The following ADAMTS17 variants were observed in gnomAD, a reference collection of about 807,000 sequenced individuals.
ADAMTS17 encodes the protein ADAM metallopeptidase with thrombospondin type 1 motif 17.
Under a neutral mutation model 141.5 loss-of-function variants are expected in ADAMTS17, and 113 were observed. The observed-to-expected ratio is 0.80, with a 90% confidence interval of 0.69 to 0.93. The LOEUF is 0.93. Among genes scored for constraint, ADAMTS17 ranks in the 40% least tolerant of loss-of-function variants. The probability of loss-of-function intolerance (pLI) is 0.00; values close to 1 mark genes in which losing one functional copy is unlikely to be tolerated. For missense variants in ADAMTS17, 1,659 were observed against 1,517.9 expected, an observed-to-expected ratio of 1.09 and a Z score of -1.54; for synonymous variants, 768 against 630.6, an observed-to-expected ratio of 1.22 and a Z score of -3.27.
At chr15:99,987,457 T>A (rs1449499658) in intron 20 of ADAMTS17, among the ~76,000 whole-genome samples, 2 of 152,196 alleles carry the variant, frequency 1.3e-5, no homozygotes, top group Non-Finnish European at 2.9e-5. Flanking sequence ...GGGCACTTTG[T>A]CTGCTGCCTT....
intron 3 of ADAMTS17, among the ~76,000 whole-genome samples, chr15:100,296,192 A>C (rs2044803522): frequency 6.6e-6 from 1 of 152,180 alleles, no homozygotes; most frequent in African/African-American, 2.4e-5. Context: ...ACCGAGTTTG[A>C]ACACACGCAC....
chr15:100,205,232 G>A (rs1304760183), intron 7 of ADAMTS17, among the ~76,000 whole-genome samples: 1 of 152,124 alleles, frequency 6.6e-6, no homozygotes, highest in Admixed American at 6.5e-5. Context: ...CCCTGGGCTG[G>A]AGCAGTCACT....
At chr15:100,207,057 G>A (rs1264587424) in intron 7 of ADAMTS17, among the ~76,000 whole-genome samples, 1 of 152,194 alleles carries the variant, frequency 6.6e-6, no homozygotes, top group Non-Finnish European at 1.5e-5. Context: ...TTCAGAGGTT[G>A]AAGCCCTAAT....
At chr15:100,020,170 C>G (rs1050744681) in intron 18 of ADAMTS17, among the ~76,000 whole-genome samples, 1 of 152,164 alleles carries the variant, frequency 6.6e-6, no homozygotes, top group African/African-American at 2.4e-5. Flanking sequence ...CCCAGCTGCC[C>G]GGCCCCACAA....
chr15:100,070,302 A>C (rs1463824708), intron 15 of ADAMTS17, among the ~76,000 whole-genome samples: 3 of 149,952 alleles, frequency 2.0e-5, no homozygotes, highest in Admixed American at 6.7e-5. Context: ...GGGAGACTTT[A>C]ACACCCCACT....
chr15:100,104,573 C>T (rs188034136), intron 14 of ADAMTS17, among the ~76,000 whole-genome samples: 9 of 152,226 alleles, frequency 5.9e-5, no homozygotes, highest in East Asian at 3.9e-4. Flanking sequence ...CCCAGAATGC[C>T]GTCTGCTACC....
intron 13 of ADAMTS17, among the ~76,000 whole-genome samples, chr15:100,115,581 T>C (rs995332272): frequency 1.3e-5 from 2 of 152,170 alleles, no homozygotes; most frequent in Non-Finnish European, 2.9e-5. Flanking sequence ...TGGGTCAGGC[T>C]GTTAGACTAA....
chr15:100,060,403 C>G (rs925588952), intron 15 of ADAMTS17, among the ~76,000 whole-genome samples: 3 of 152,198 alleles, frequency 2.0e-5, no homozygotes, highest in African/African-American at 4.8e-5. Context: ...CCTTCTTCCT[C>G]TCTGTGGACA....
chr15:100,240,435 A>C (rs1407858443), intron 7 of ADAMTS17, among the ~76,000 whole-genome samples: 1 of 152,228 alleles, frequency 6.6e-6, no homozygotes, highest in Non-Finnish European at 1.5e-5. Context: ...AATGGAGAAG[A>C]AGCAGGTACA....
chr15:100,024,275 T>G (rs1191682487), intron 18 of ADAMTS17, among the ~76,000 whole-genome samples: 1 of 152,198 alleles, frequency 6.6e-6, no homozygotes, highest in East Asian at 1.9e-4. Context: ...AAAATTTTTT[T>G]TGTAGAGATG....
At chr15:100,082,755 T>C (rs1370925262) in intron 15 of ADAMTS17, among the ~76,000 whole-genome samples, 1 of 141,986 alleles carries the variant, frequency 7.0e-6, no homozygotes, top group East Asian at 2.2e-4. Flanking sequence ...GAGTTACTTT[T>C]TCTCGTTAGT....
chr15:100,054,001 G>T lies in ADAMTS17; in HGVS notation c.2191C>A (p.Pro731Thr). ...GTGCCTGCAATCTGGAACTCTCCGG[G>T]GAGCTCTATCTTCCAGTCACTGTTG... ...SINSDWKIEL[P>T]GEFQIAGTTV... The change falls in exon 16 of 22, where the codon CCC becomes ACC. Residue 731 changes from proline to threonine, a missense_variant. Pro to Thr is a conservative substitution (Grantham distance 38). Transcript: ENST00000268070. 1 of 1,614,146 alleles carries T rather than the reference G, an allele frequency of 6.2e-7. No individual in the cohort carries two copies. Among genetic ancestry groups the T allele is most frequent in the Non-Finnish European group, 8.5e-7 (1 of 1,180,028 alleles).
chr15:100,203,897 CA>C (rs57951408), intron 7 of ADAMTS17, among the ~76,000 whole-genome samples: 2,894 of 131,306 alleles, frequency 0.022, 69 homozygotes, highest in African/African-American at 0.067. Flanking sequence ...GACTCTGTCT[CA>C]AAAAAAAAAA....
At chr15:100,212,626 A>C (rs1384722788) in intron 7 of ADAMTS17, among the ~76,000 whole-genome samples, 2 of 152,178 alleles carry the variant, frequency 1.3e-5, no homozygotes, top group Non-Finnish European at 2.9e-5. Context: ...CTGATGAGCC[A>C]AGTCAGACCA....
At chr15:100,333,155 C>A (rs1259791771) in intron 2 of ADAMTS17, among the ~76,000 whole-genome samples, 1 of 152,202 alleles carries the variant, frequency 6.6e-6, no homozygotes, top group Non-Finnish European at 1.5e-5. Flanking sequence ...TCCCCGCAGC[C>A]CCCTGCACTC....
chr15:100,065,976 T>A (rs1233466766), intron 15 of ADAMTS17, among the ~76,000 whole-genome samples: 1 of 152,186 alleles, frequency 6.6e-6, no homozygotes, highest in Non-Finnish European at 1.5e-5. Flanking sequence ...ACATGCGGTG[T>A]TTGGTTTTCT....
chr15:100,307,895 G>C (rs2045278470), intron 3 of ADAMTS17, among the ~76,000 whole-genome samples: 1 of 152,218 alleles, frequency 6.6e-6, no homozygotes, highest in South Asian at 2.1e-4. Flanking sequence ...CCTGCAGAAA[G>C]AGTCCAATCA....
At chr15:100,340,213 G>A (rs780191374) in intron 2 of ADAMTS17, among the ~76,000 whole-genome samples, 15 of 152,238 alleles carry the variant, frequency 9.9e-5, no homozygotes, top group Non-Finnish European at 1.8e-4. Flanking sequence ...GGGCGCCAGT[G>A]TAGCCACATG....
intron 20 of ADAMTS17, among the ~76,000 whole-genome samples, chr15:99,990,679 G>A (rs905220417): frequency 2.6e-5 from 4 of 151,290 alleles, no homozygotes; most frequent in Non-Finnish European, 4.4e-5. Context: ...TCTGACTTGG[G>A]CTGATGGGAA....
Sources: gnomAD v4.1 joint callset for allele counts (sites outside exome capture counted in the v4.1 genomes callset) on GRCh38, gnomAD v4.1.1 for gene constraint, MANE v1.5 for transcripts, NCBI Gene and HGNC (gene_info 2026-07-23, HGNC 2026-07-21) for gene names.